The following ZNF213 variants were observed in gnomAD, a reference collection of about 807,000 sequenced individuals.
The protein encoded by ZNF213 is zinc finger protein 213, also known as putative transcription factor CR53.
In ZNF213, 32 loss-of-function variants were observed where a neutral mutation model predicts 46.0. The observed-to-expected ratio is 0.70, with a 90% confidence interval of 0.52 to 0.93. The LOEUF is 0.93. ZNF213 is among the 40% of genes least tolerant of loss of function. ZNF213 has a pLI of 0.00. For missense variants in ZNF213, 639 were observed against 652.8 expected (o/e 0.98, Z 0.23); for synonymous variants, 297 against 271.0 (o/e 1.10, Z -0.94).
At chr16:3,138,345 C>T (rs1447141223) in intron 2 of ZNF213, 73 bp from the exon 3 acceptor site, 5 of 1,591,860 alleles carry the variant, frequency 3.1e-6, no homozygotes, top group Admixed American at 1.8e-5. Context: ...TCCTGTGTCT[C>T]CTTCCCAGGG....
rs774347813 is a variant in ZNF213, at chr16:3,138,457, C to T, written c.439C>T (p.Arg147Trp). 79 of 1,612,968 alleles carry T rather than the reference C, an allele frequency of 4.9e-5. No homozygotes were observed. The highest frequency in any genetic ancestry group is 6.3e-5 in the Non-Finnish European group (74 of 1,179,608). ...GGAGGCGGAACCCGAGGCTGCAGGCCGGGGATCCCAGGCCACGGGGCCTCC... is the reference window on the plus strand; with the variant it reads ...GGAGGCGGAACCCGAGGCTGCAGGCTGGGGATCCCAGGCCACGGGGCCTCC... ...SEEAEPEAAG[R>W]GSQATGPPPT... Residue 147 changes from arginine to tryptophan, a missense_variant, in exon 3 of 6, where the codon CGG becomes TGG. Physicochemically the swap from Arg to Trp is moderately radical, Grantham distance 101. Transcript: ENST00000396878.
chr16:3,138,665 A>C, intron 3 of ZNF213, 80 bp from the exon 4 acceptor site: 3 of 1,610,064 alleles, frequency 1.9e-6, no homozygotes, highest in Non-Finnish European at 2.5e-6. Context: ...GCGTGTGTGC[A>C]TGCGCACAGG....
intron 1 of ZNF213, chr16:3,135,593 C>T: frequency 6.6e-6 from 1 of 152,174 alleles, no homozygotes; most frequent in African/African-American, 2.4e-5. Flanking sequence ...CATAGTGCCG[C>T]TAATGTCTGT....
In ZNF213 at chr16:3,141,206, C is replaced by A. The variant is rs1452800830; in HGVS notation, c.1239C>A (p.Arg413=). The A allele has an allele frequency of 6.2e-7, 1 of 1,612,666 alleles. No individual in the cohort carries two copies. Among genetic ancestry groups the A allele is most frequent in the African/African-American group, 1.3e-5 (1 of 75,066 alleles). Residue 413 remains arginine (R), a synonymous_variant, in exon 6 of 6, where the codon CGC becomes CGA. Transcript: ENST00000396878. ...ACTGCGGCAAGAGCTTCTCGCTGCG[C>A]TCCTACCTGCTGGACCATCGGCGTG... ...CSDCGKSFSL[R]SYLLDHRRVH...
intron 5 of ZNF213, 148 bp downstream of exon 5, chr16:3,139,246 T>C (rs538816535): frequency 7.9e-7 from 1 of 1,260,366 alleles, no homozygotes; most frequent in East Asian, 2.4e-5. Context: ...TCTTGGCTGA[T>C]GATCAGTTTT....
intron 5 of ZNF213, chr16:3,140,281 G>A: frequency 6.3e-6 from 1 of 159,532 alleles, no homozygotes. Context: ...GAGTGCAATG[G>A]CATGATCCCG....
At chr16:3,140,469 C>T in intron 5 of ZNF213, 1 of 561,642 alleles carries the variant, frequency 1.8e-6, no homozygotes, top group Non-Finnish European at 2.7e-6. Context: ...GTGATCAGCT[C>T]GCCTCAGCCT....
Position 3,141,332 on chromosome 16 carries a change from C to A in ZNF213, c.1365C>A (p.Ala455=). 6.4e-7 allele frequency: 1 copy of A among 1,564,334 alleles called. No homozygotes were observed. Among genetic ancestry groups the A allele is most frequent in the South Asian group, 1.2e-5 (1 of 85,372 alleles). The change falls in exon 6 of 6, where the codon GCC becomes GCA. Residue 455 remains alanine (A), a synonymous_variant. Coordinates refer to ENST00000396878, the MANE Select transcript of ZNF213 (RefSeq NM_004220.3). The stretch of plus-strand genomic sequence containing the variant: ...ATCAGAGCCTGCACGCCAAGATGGC[C>A]CAGCCCGTGGGGTGAGCAGCTGGCT... ...IAHQSLHAKM[A]QPVG is the part of the protein sequence containing the mutation.
rs374127420 is a variant in ZNF213, at chr16:3,138,775, G to A, written c.554G>A (p.Arg185His). 1.9e-5 allele frequency: 30 copies of A among 1,613,874 alleles called. No individual in the cohort carries two copies. Among genetic ancestry groups the A allele is most frequent in the East Asian group, 2.2e-5 (1 of 44,880 alleles). Residue 185 changes from arginine (R) to histidine (H), a missense_variant, in exon 4 of 6, where the codon CGT (arginine) becomes CAT (histidine). Transcript: ENST00000396878. ...AQPPALLKEG[R>H]PGETTDTCFV... ...CCTCCTGCTCTTCTTAAAGAGGGTCGTCCCGGAGAGACGACGGACACCTGC... is the reference window on the plus strand; with the variant it reads ...CCTCCTGCTCTTCTTAAAGAGGGTCATCCCGGAGAGACGACGGACACCTGC...
At chr16:3,137,762 C>A in intron 2 of ZNF213, 83 bp downstream of exon 2, 1 of 1,503,642 alleles carries the variant, frequency 6.7e-7, no homozygotes. Context: ...ATAAGTCTCC[C>A]AGAGGCTCAC....
At chr16:3,137,826 A>G (rs1433753869) in intron 2 of ZNF213, 147 bp downstream of exon 2, 19 of 1,000,482 alleles carry the variant, frequency 1.9e-5, no homozygotes, top group South Asian at 6.8e-5. Flanking sequence ...ACAGTGTGCC[A>G]TGGGTGCCTT....
rs953234441 is a variant in ZNF213, at chr16:3,135,185, C to A, written c.-318C>A. On this transcript the variant is annotated 5_prime_UTR_variant, in exon 1 of 6. Transcript: ENST00000396878. ...ACATCAAGCACCGGGCTCCGAGTGG[C>A]CGGGATCAGCGCCCCGAGGCAGAGG... 7.2e-5 allele frequency: 11 copies of A among 153,076 alleles called. No homozygotes were observed. Among genetic ancestry groups the A allele is most frequent in the African/African-American group, 2.7e-4 (11 of 41,456 alleles). The allele number at this position is 153,076 out of a possible 1,614,324, so 9.5% of individuals were successfully genotyped here.
chr16:3,139,181 G>T (rs1433218151), intron 5 of ZNF213, 83 bp downstream of exon 5: 2 of 1,561,448 alleles, frequency 1.3e-6, no homozygotes, highest in Non-Finnish European at 1.7e-6. Flanking sequence ...CCCATCCTTA[G>T]CTGGTTCCAA....
chr16:3,141,134 C>G lies in ZNF213; in HGVS notation c.1167C>G (p.Ala389=), dbSNP rs1423355733. 3 of 1,610,924 alleles carry G rather than the reference C, an allele frequency of 1.9e-6. No individual in the cohort carries two copies. The highest frequency in any genetic ancestry group is 1.1e-5 in the South Asian group (1 of 90,976). The change falls in exon 6 of 6, where the codon GCC becomes GCG. Residue 389 remains alanine, a synonymous_variant. Coordinates refer to ENST00000396878, the MANE Select transcript of ZNF213 (RefSeq NM_004220.3). ...GKSFSRSAYL[A]DHQRIHTGEK... is the part of the protein sequence containing the mutation. ...GCTTCAGCCGCAGCGCCTACCTGGC[C>G]GACCACCAGCGCATACACACGGGCG...
rs780457798 is a variant in ZNF213, at chr16:3,139,013, C to T, written c.636C>T (p.Ser212=). The T allele has an allele frequency of 6.2e-7, 1 of 1,614,192 alleles. No individual in the cohort carries two copies. ...VALGDIPFYF[S]REEWGTLDPA... ...TGGGAGACATCCCATTCTATTTCTCCCGGGAAGAATGGGGCACCCTGGACC... is the reference window on the plus strand; with the variant it reads ...TGGGAGACATCCCATTCTATTTCTCTCGGGAAGAATGGGGCACCCTGGACC... Residue 212 remains serine, a synonymous_variant, in exon 5 of 6, where the codon TCC becomes TCT. Transcript: ENST00000396878.
chr16:3,136,456 G>A (rs1046050436), intron 1 of ZNF213, among the ~76,000 whole-genome samples: 2 of 152,160 alleles, frequency 1.3e-5, no homozygotes, highest in African/African-American at 2.4e-5. Flanking sequence ...AGTGGCTCAC[G>A]CCTGTAATCC....
chr16:3,139,076 G>T lies in ZNF213; in HGVS notation c.699G>T (p.Glu233Asp), dbSNP rs115677687. The T allele has an allele frequency of 7.4e-6, 12 of 1,613,990 alleles. No homozygotes were observed. The East Asian group carries it at 2.7e-4, about 36-fold the overall frequency. ...ATCTCTTCTGGGACATAAAGCGGGA[G>T]AACTCCCGGAACACCACCCTGGGTA... The part of the protein sequence containing the change: ...QRDLFWDIKR[E>D]NSRNTTLGFG... The change falls in exon 5 of 6, where the codon GAG becomes GAT. Residue 233 changes from glutamate (E) to aspartate (D), a missense_variant. Physicochemically the swap from Glu to Asp is conservative, Grantham distance 45. Transcript: ENST00000396878.
Position 3,135,167 on chromosome 16 carries a change from G to C in ZNF213, c.-336G>C, listed in dbSNP as rs535567361. ...TCTGGCCGCCTGGCTCCAACATCAAGCACCGGGCTCCGAGTGGCCGGGATC... is the reference window on the plus strand; with the variant it reads ...TCTGGCCGCCTGGCTCCAACATCAACCACCGGGCTCCGAGTGGCCGGGATC... On this transcript the variant is annotated 5_prime_UTR_variant, in exon 1 of 6. Coordinates refer to ENST00000396878, the MANE Select transcript of ZNF213 (RefSeq NM_004220.3). The C allele has an allele frequency of 1.8e-4, 28 of 153,196 alleles. 1 individual carries two copies. In the South Asian group the frequency reaches 4.9e-3, roughly 27 times the overall value. 9.5% of individuals were successfully genotyped at this position (153,196 alleles called of 1,614,324 possible).
At chr16:3,139,777 C>T (rs1439105844) in intron 5 of ZNF213, 1 of 150,924 alleles carries the variant, frequency 6.6e-6, no homozygotes, top group Non-Finnish European at 1.5e-5. Flanking sequence ...TGGAGTCTTG[C>T]TCTGTCGCCA....
Sources: gnomAD v4.1 joint callset for allele counts (sites outside exome capture counted in the v4.1 genomes callset) on GRCh38, gnomAD v4.1.1 for gene constraint, MANE v1.5 for transcripts, NCBI Gene and HGNC (gene_info 2026-07-23, HGNC 2026-07-21) for gene names.